Variants in SLMAP observed in about 807,000 individuals in gnomAD.
SLMAP encodes the protein sarcolemmal membrane-associated protein.
In SLMAP, 44 loss-of-function variants were observed where a neutral mutation model predicts 128.8. That is an observed-to-expected ratio of 0.34 (90% CI 0.27 to 0.44). SLMAP has a LOEUF of 0.44. Ranked by LOEUF, SLMAP falls within the 20% of genes least tolerant of loss-of-function variation. The probability of loss-of-function intolerance (pLI) is 1.00; values close to 1 mark genes in which losing one functional copy is unlikely to be tolerated. For missense variants in SLMAP, 787 were observed against 985.3 expected (o/e 0.80, Z 2.69); for synonymous variants, 327 against 348.8 (o/e 0.94, Z 0.70).
intron 2 of SLMAP, among the ~76,000 whole-genome samples, chr3:57,777,989 G>A (rs562488526): frequency 2.9e-4 from 44 of 152,272 alleles, no homozygotes; most frequent in Non-Finnish European, 4.4e-4. Flanking sequence ...TGGTTGTGAT[G>A]TATTATCCCT....
rs368609953 is a variant in SLMAP at position 57,770,479 on chromosome 3, A to G, written c.198+12630A>G. On this transcript the variant is annotated intron_variant, in intron 2 of 24. Coordinates refer to ENST00000671191, the MANE Select transcript of SLMAP (RefSeq NM_001377540.1). ...TGATGTATTCTGGGAATGCAAACCC[A>G]GAAGTTGACAAAATTGGGGGGAAGA... Among the ~76,000 whole-genome samples, 5 of 152,342 alleles carry G rather than the reference A, an allele frequency of 3.3e-5. No individual in the cohort carries two copies. The East Asian group carries it at 9.6e-4, about 29-fold the overall frequency.
chr3:57,916,702 A>T (rs1473506705), intron 21 of SLMAP, among the ~76,000 whole-genome samples: 1 of 152,148 alleles, frequency 6.6e-6, no homozygotes, highest in Admixed American at 6.6e-5. Context: ...TGTATATTTG[A>T]TGGGACACAC....
chr3:57,843,305 C>CCT (rs2094035742), intron 4 of SLMAP, among the ~76,000 whole-genome samples: 1 of 92,110 alleles, frequency 1.1e-5, no homozygotes, highest in Non-Finnish European at 2.0e-5. Flanking sequence ...CTTTCTTTTC[C>CCT]TTTTTTTTTT....
intron 14 of SLMAP, among the ~76,000 whole-genome samples, chr3:57,876,991 T>TTAC (rs2095618933): frequency 6.6e-6 from 1 of 152,102 alleles, no homozygotes; most frequent in Non-Finnish European, 1.5e-5. Flanking sequence ...TCTCTCTCAA[T>TTAC]GGTAGAGTTA....
chr3:57,814,951 T>C (rs577336095), intron 2 of SLMAP, among the ~76,000 whole-genome samples: 214 of 152,276 alleles, frequency 1.4e-3, no homozygotes, highest in Middle Eastern at 3.4e-3. Flanking sequence ...TTGCCTACTG[T>C]ACTCTAGTAT....
intron 4 of SLMAP, among the ~76,000 whole-genome samples, chr3:57,846,062 G>C (rs1049840756): frequency 2.6e-5 from 4 of 152,106 alleles, no homozygotes; most frequent in Non-Finnish European, 5.9e-5. Flanking sequence ...GGCTGGTCTC[G>C]AACTCCTGAC....
intron 13 of SLMAP, among the ~76,000 whole-genome samples, chr3:57,866,284 A>T (rs1000682196): frequency 1.3e-5 from 2 of 149,824 alleles, no homozygotes; most frequent in African/African-American, 4.8e-5. Flanking sequence ...AAAAGAAAAG[A>T]AAAGAAAAGA....
At chr3:57,880,941 C>T (rs968456439) in intron 14 of SLMAP, among the ~76,000 whole-genome samples, 24 of 151,940 alleles carry the variant, frequency 1.6e-4, no homozygotes, top group African/African-American at 4.8e-4. Context: ...CCTGTAACCC[C>T]GGCACTTTCG....
intron 2 of SLMAP, among the ~76,000 whole-genome samples, chr3:57,796,394 C>G (rs1354892106): frequency 1.3e-5 from 2 of 152,160 alleles, no homozygotes; most frequent in Non-Finnish European, 2.9e-5. Flanking sequence ...TAATTAAGAG[C>G]ATGGATCGTG....
intron 2 of SLMAP, among the ~76,000 whole-genome samples, chr3:57,769,392 A>G (rs950998120): frequency 1.3e-5 from 2 of 151,898 alleles, no homozygotes; most frequent in African/African-American, 4.8e-5. Context: ...ATGGGGTTTC[A>G]CCGTGTTAGC....
intron 2 of SLMAP, among the ~76,000 whole-genome samples, chr3:57,771,100 C>T (rs74744554): frequency 0.013 from 1,900 of 151,746 alleles, 28 homozygotes; most frequent in African/African-American, 0.043. Flanking sequence ...GTATTACTTA[C>T]GCAAACTCCT....
intron 23 of SLMAP, among the ~76,000 whole-genome samples, 196 bp downstream of exon 23, chr3:57,923,219 T>G (rs2096946860): frequency 6.6e-6 from 1 of 152,202 alleles, no homozygotes; most frequent in African/African-American, 2.4e-5. Flanking sequence ...CCTATACTCC[T>G]AGAAGAGCCT....
chr3:57,836,091 TAAAG>T (rs965078068), intron 3 of SLMAP, among the ~76,000 whole-genome samples: 7 of 152,034 alleles, frequency 4.6e-5, no homozygotes, highest in African/African-American at 7.2e-5. Context: ...TAATGTTGAG[TAAAG>T]AAAGAATCAA....
At position 57,757,499 on chromosome 3, in the gene SLMAP, A is replaced by C. The variant is rs1014505781; in HGVS notation, c.-153A>C. ...GGCTTGTCTTCCCACCCAAGTGAAGAGTTGATGTTCACTGGTTATGCTTAG... is the reference window on the plus strand; with the variant it reads ...GGCTTGTCTTCCCACCCAAGTGAAGCGTTGATGTTCACTGGTTATGCTTAG... On this transcript the variant is annotated 5_prime_UTR_variant, in exon 2 of 25. Coordinates refer to ENST00000671191, the MANE Select transcript of SLMAP (RefSeq NM_001377540.1). 2 of 673,034 alleles carry C rather than the reference A, an allele frequency of 3.0e-6. No individual in the cohort carries two copies. The highest frequency in any genetic ancestry group is 3.6e-5 in the African/African-American group (2 of 55,764). The allele number at this position is 673,034 out of a possible 1,614,324, so 41.7% of individuals were successfully genotyped here. A position where few individuals can be genotyped will look rare whatever the true frequency, so the allele number is the denominator to read the frequency against.
intron 2 of SLMAP, among the ~76,000 whole-genome samples, chr3:57,820,884 C>T (rs1405238299): frequency 1.3e-5 from 2 of 152,136 alleles, no homozygotes; most frequent in African/African-American, 4.8e-5. Flanking sequence ...AATATTGCCC[C>T]ATTAAGGTCC....
At chr3:57,889,129 C>T (rs1490221554) in intron 14 of SLMAP, among the ~76,000 whole-genome samples, 1 of 152,198 alleles carries the variant, frequency 6.6e-6, no homozygotes, top group African/African-American at 2.4e-5. Flanking sequence ...CGTGATCCAC[C>T]CGCCTTGGCC....
At position 57,917,211 on chromosome 3, in the gene SLMAP, C is replaced by T. The variant is rs1206340009; in HGVS notation, c.2310+134C>T. The stretch of plus-strand genomic sequence containing the variant: ...GTCACAAAATTGATACTTGGAACAT[C>T]TCTGCTTGGTGATTTCTAGCTGCAT... On this transcript the variant is annotated intron_variant, in intron 22 of 24. Coordinates refer to ENST00000671191, the MANE Select transcript of SLMAP (RefSeq NM_001377540.1). 50 of 1,529,296 alleles carry T rather than the reference C, an allele frequency of 3.3e-5. 1 individual carries two copies. The South Asian group carries it at 5.4e-4, about 17-fold the overall frequency. The allele number at this position is 1,529,296 out of a possible 1,614,324, so 94.7% of individuals were successfully genotyped here.
At chr3:57,820,452 G>A (rs1165317631) in intron 2 of SLMAP, among the ~76,000 whole-genome samples, 1 of 152,122 alleles carries the variant, frequency 6.6e-6, no homozygotes, top group South Asian at 2.1e-4. Flanking sequence ...CAACCCATCA[G>A]TTTTGGGGTG....
chr3:57,839,434 ATTTTTTTTTT>A (rs1189313640), intron 3 of SLMAP, among the ~76,000 whole-genome samples: 2 of 82,866 alleles, frequency 2.4e-5, no homozygotes, highest in South Asian at 7.9e-4. Context: ...CATTAGCTCT[ATTTTTTTTTT>A]TTTTTTTTTT....
Sources: gnomAD v4.1 joint callset for allele counts (sites outside exome capture counted in the v4.1 genomes callset) on GRCh38, gnomAD v4.1.1 for gene constraint, MANE v1.5 for transcripts, NCBI Gene and HGNC (gene_info 2026-07-23, HGNC 2026-07-21) for gene names.